The following VIPAS39 variants were observed in gnomAD, a reference collection of about 807,000 sequenced individuals.
VIPAS39 encodes VPS33B interacting protein, apical-basolateral polarity regulator, spe-39 homolog, also known as spermatogenesis-defective protein 39 homolog.
A neutral mutation model predicts 84.7 loss-of-function variants in VIPAS39; 63 were observed. That is an observed-to-expected ratio of 0.74 (90% CI 0.61 to 0.92). The LOEUF is 0.92. VIPAS39 is among the 40% of genes least tolerant of loss of function. The pLI, the probability that VIPAS39 is intolerant of heterozygous loss-of-function variation, is 0.00. For synonymous variants in VIPAS39, 192 were observed against 216.5 expected (o/e 0.89, Z 0.99); for missense variants, 499 against 604.5 (o/e 0.83, Z 1.83).
Position 77,427,226 on chromosome 14 carries a change from A to G in VIPAS39, c.*390T>C, listed in dbSNP as rs966043251. On this transcript the variant is annotated 3_prime_UTR_variant, in exon 20 of 20. Transcript: ENST00000557658. ...ATTCAGAGCAGAACTGCCAATGTCC[A>G]GCGCCAAGTCCTGGATCATAATTAG... The G allele has an allele frequency of 1.1e-5, 3 of 265,144 alleles. No individual in the cohort carries two copies. The highest frequency in any genetic ancestry group is 2.2e-5 in the Non-Finnish European group (3 of 135,834). The allele number at this position is 265,144 out of a possible 1,614,324, so 16.4% of individuals were successfully genotyped here. A position where few individuals can be genotyped will look rare whatever the true frequency, so the allele number is the denominator to read the frequency against.
intron 7 of VIPAS39, among the ~76,000 whole-genome samples, chr14:77,445,638 A>G (rs150006160): frequency 1.1e-3 from 171 of 152,166 alleles, no homozygotes; most frequent in African/African-American, 3.9e-3. Flanking sequence ...AGGTTTAATA[A>G]AAGTTTTATA....
chr14:77,443,187 T>G, intron 8 of VIPAS39, 35 bp from the exon 9 acceptor site: 2 of 1,613,998 alleles, frequency 1.2e-6, no homozygotes, highest in Non-Finnish European at 1.7e-6. Flanking sequence ...GTGCAAACTT[T>G]CCAACACAGA....
Position 77,429,703 on chromosome 14 carries a change from T to C in VIPAS39, c.1244A>G (p.His415Arg), listed in dbSNP as rs758337780. ...IGFHRVVEIL[H>R]KNNAPVQILQ... ...TACCTGCACAGGGGCATTGTTCTTG[T>C]GCAAAATTTCGACAACCCGATGGAA... is the stretch of plus-strand genomic sequence containing the variant. The change falls in exon 17 of 20, where the codon CAC (histidine) becomes CGC (arginine). Residue 415 changes from histidine to arginine, a missense_variant. Coordinates refer to ENST00000557658, the MANE Select transcript of VIPAS39 (RefSeq NM_001193315.2). The C allele has an allele frequency of 1.9e-6, 3 of 1,614,194 alleles. No homozygotes were observed. The highest frequency in any genetic ancestry group is 2.5e-6 in the Non-Finnish European group (3 of 1,180,020).
At chr14:77,453,018 A>T (rs1387166855) in intron 3 of VIPAS39, among the ~76,000 whole-genome samples, 1 of 152,154 alleles carries the variant, frequency 6.6e-6, no homozygotes, top group African/African-American at 2.4e-5. Context: ...TCTCTGGGAT[A>T]AAGCCTAGGA....
At chr14:77,454,791 C>CA (rs2078936971) in intron 1 of VIPAS39, among the ~76,000 whole-genome samples, 1 of 151,762 alleles carries the variant, frequency 6.6e-6, no homozygotes, top group South Asian at 2.1e-4. Flanking sequence ...AAGAATCTAT[C>CA]AAAAAACTTT....
At position 77,457,168 on chromosome 14, in the gene VIPAS39, G is replaced by C. The variant is rs967151206; in HGVS notation, c.-1+327C>G. The C allele has an allele frequency of 4.1e-6, 6 of 1,451,292 alleles. No homozygotes were observed. In the African/African-American group the frequency reaches 8.5e-5, roughly 21 times the overall value. The allele number at this position is 1,451,292 out of a possible 1,614,324, so 89.9% of individuals were successfully genotyped here. The stretch of plus-strand genomic sequence containing the variant: ...GGTGAGGCTTGTGAACTGAGACCAG[G>C]GAACAAGAGTTAAGCTAGGATGACT... On this transcript the variant is annotated intron_variant, in intron 1 of 19. Transcript: ENST00000557658.
intron 3 of VIPAS39, among the ~76,000 whole-genome samples, chr14:77,452,271 T>C (rs1370741217): frequency 1.3e-5 from 2 of 152,156 alleles, no homozygotes; most frequent in South Asian, 2.1e-4. Context: ...CATGTTTCTA[T>C]ATACTTTTCC....
In VIPAS39 at chr14:77,428,358, G is replaced by A. The variant is rs766947055; in HGVS notation, c.1461+12C>T. 6.2e-7 allele frequency: 1 copy of A among 1,608,876 alleles called. No homozygotes were observed. The highest frequency in any genetic ancestry group is 1.7e-5 in the Admixed American group (1 of 60,000). On this transcript the variant is annotated intron_variant, in intron 19 of 19. Coordinates refer to ENST00000557658, the MANE Select transcript of VIPAS39 (RefSeq NM_001193315.2). ...CCTGAGCCTGCTGGAGGGGTGAACT[G>A]TAGCTGCTCACCGAGCTGCTGAGAA...
chr14:77,428,732 T>G (rs905254701), intron 18 of VIPAS39, among the ~76,000 whole-genome samples: 3 of 152,144 alleles, frequency 2.0e-5, no homozygotes, highest in African/African-American at 7.2e-5. Flanking sequence ...CAGAACTCCA[T>G]GTTGGAGAGA....
Position 77,453,447 on chromosome 14 carries a change from C to A in VIPAS39, c.94-46G>T, listed in dbSNP as rs76683141. The A allele has an allele frequency of 5.6e-3, 8,736 of 1,559,732 alleles. 421 individuals are homozygous for A. In the African/African-American group the frequency reaches 0.1, roughly 19 times the overall value. ...AGGGTGCTCAGGCAAATCATCATTTCCCACCTCTCTTCTGACAATCAAGAA... is the reference window on the plus strand; with the variant it reads ...AGGGTGCTCAGGCAAATCATCATTTACCACCTCTCTTCTGACAATCAAGAA... On this transcript the variant is annotated intron_variant, in intron 2 of 19. Coordinates refer to ENST00000557658, the MANE Select transcript of VIPAS39 (RefSeq NM_001193315.2).
intron 7 of VIPAS39, among the ~76,000 whole-genome samples, chr14:77,446,383 A>G (rs1364171487): frequency 3.3e-5 from 5 of 152,186 alleles, no homozygotes; most frequent in Admixed American, 6.5e-5. Flanking sequence ...AGCTCACTGC[A>G]GCCTCAGCCT....
At position 77,457,494 on chromosome 14, in the gene VIPAS39, C is replaced by T; in HGVS notation, c.-1+1G>A. 8.5e-7 allele frequency: 1 copy of T among 1,176,524 alleles called. No homozygotes were observed. Among genetic ancestry groups the T allele is most frequent in the South Asian group, 1.4e-5 (1 of 73,594 alleles). The allele number at this position is 1,176,524 out of a possible 1,614,324, so 72.9% of individuals were successfully genotyped here. ...ACCCAAGGGGCTTGGGACACCCTCA[C>T]CTCTTCCGCACAGAGCCCTCCCTCT... On this transcript the variant is annotated splice_donor_variant, in intron 1 of 19. Transcript: ENST00000557658. LOFTEE classifies it low-confidence loss of function (5UTR_SPLICE).
At chr14:77,452,389 A>G (rs1594926706) in intron 3 of VIPAS39, among the ~76,000 whole-genome samples, 1 of 152,072 alleles carries the variant, frequency 6.6e-6, no homozygotes, top group African/African-American at 2.4e-5. Context: ...TGGAACGGAA[A>G]CTTTTCACTG....
chr14:77,455,944 C>T (rs1242980920), intron 1 of VIPAS39, among the ~76,000 whole-genome samples: 1 of 152,214 alleles, frequency 6.6e-6, no homozygotes, highest in African/African-American at 2.4e-5. Context: ...TCATCCCACA[C>T]AGACATTGTA....
At chr14:77,431,578 A>T (rs1000172741) in intron 16 of VIPAS39, among the ~76,000 whole-genome samples, 1 of 152,178 alleles carries the variant, frequency 6.6e-6, no homozygotes, top group African/African-American at 2.4e-5. Flanking sequence ...GTGGGAATGT[A>T]GATTGGTGTA....
intron 1 of VIPAS39, among the ~76,000 whole-genome samples, chr14:77,455,368 C>T (rs2078945479): frequency 6.6e-6 from 1 of 151,904 alleles, no homozygotes. Context: ...TGACGTAGTC[C>T]CAGCTGCTTG....
chr14:77,444,294 G>A lies in VIPAS39; in HGVS notation c.552C>T (p.Leu184=), dbSNP rs768269999. The A allele has an allele frequency of 8.1e-6, 13 of 1,613,870 alleles. No individual in the cohort carries two copies. Among genetic ancestry groups the A allele is most frequent in the Middle Eastern group, 1.6e-4 (1 of 6,062 alleles). The change falls in exon 8 of 20, where the codon CTC becomes CTT. Residue 184 remains leucine, a synonymous_variant. Transcript: ENST00000557658. ...CATGCATGCTTACTGCCTCTTCTAG[G>A]AGTTGTAGTTTGTCCTGTAAGGAGC... is the stretch of plus-strand genomic sequence containing the variant. The part of the protein sequence containing the change: ...RFRSLQDKLQ[L]LEEAVSMHDG...
At chr14:77,438,433 T>C (rs570861215) in intron 11 of VIPAS39, among the ~76,000 whole-genome samples, 1 of 152,320 alleles carries the variant, frequency 6.6e-6, no homozygotes, top group South Asian at 2.1e-4. Context: ...TTCACTATGA[T>C]GGCCAGGCTG....
chr14:77,441,441 T>C (rs1446418335), intron 10 of VIPAS39, among the ~76,000 whole-genome samples: 2 of 152,204 alleles, frequency 1.3e-5, no homozygotes, highest in Non-Finnish European at 2.9e-5. Context: ...TTTTCTATAT[T>C]GTTCTTTACT....
Sources: allele counts gnomAD v4.1 joint callset (sites outside exome capture counted in the v4.1 genomes callset), GRCh38; gene constraint gnomAD v4.1.1; transcripts MANE v1.5; gene names NCBI Gene and HGNC (gene_info 2026-07-23, HGNC 2026-07-21).